Variants in WWOX observed in about 807,000 individuals in gnomAD.
WWOX encodes WW domain containing oxidoreductase, also known as WW domain-containing oxidoreductase.
In WWOX, 69 loss-of-function variants were observed where a neutral mutation model predicts 46.2. That is an observed-to-expected ratio of 1.49 (90% CI 1.23 to 1.82). The LOEUF (loss-of-function observed/expected upper bound fraction) is 1.82. Among genes scored for constraint, WWOX ranks in the 40% most tolerant of loss-of-function variants. WWOX has a pLI of 0.00. For synonymous variants in WWOX, 359 were observed against 202.6 expected (o/e 1.77, Z -6.56); for missense variants, 919 against 542.6 (o/e 1.69, Z -6.89).
In WWOX at chr16:78,422,794, CATAT is replaced by C. The variant is rs1250992583; in HGVS notation, c.606-2070_606-2067del. 3.0e-5 allele frequency among the ~76,000 whole-genome samples: 3 copies of C among 101,606 alleles called. 1 individual carries two copies. The highest frequency in any genetic ancestry group is 2.5e-4 in the African/African-American group (3 of 12,136). The allele number at this position is 101,606 out of a possible 152,430, so 66.7% of individuals were successfully genotyped here. A position where few individuals can be genotyped will look rare whatever the true frequency, so the allele number is the denominator to read the frequency against. On this transcript the variant is annotated intron_variant, in intron 6 of 8. Transcript: ENST00000566780. Reference sequence around the variant, plus strand: ...ACACACATATATATATACACACACACATATATATACACACACATATATATACACA... The same window carrying C: ...ACACACATATATATATACACACACACATATACACACACATATATATACACA...
intron 8 of WWOX, among the ~76,000 whole-genome samples, chr16:78,476,881 A>C (rs905721537): frequency 6.6e-6 from 1 of 151,564 alleles, no homozygotes; most frequent in East Asian, 1.9e-4. Context: ...CTGATTTCCC[A>C]TCTTCTTCCT....
At chr16:78,546,622 T>G (rs1180248991) in intron 8 of WWOX, among the ~76,000 whole-genome samples, 1 of 152,212 alleles carries the variant, frequency 6.6e-6, no homozygotes, top group Non-Finnish European at 1.5e-5. Context: ...TTTTAAAATA[T>G]AAATTCCTAG....
At chr16:79,011,842 T>C (rs1459536467) in intron 8 of WWOX, among the ~76,000 whole-genome samples, 1 of 152,012 alleles carries the variant, frequency 6.6e-6, no homozygotes, top group Non-Finnish European at 1.5e-5. Flanking sequence ...GTTTTAGAAA[T>C]GGGGTCTCAC....
intron 6 of WWOX, among the ~76,000 whole-genome samples, chr16:78,388,387 C>T (rs1381734037): frequency 1.3e-5 from 2 of 152,272 alleles, no homozygotes; most frequent in Admixed American, 6.5e-5. Context: ...TGGCTTATGC[C>T]TGTAATCCCA....
At chr16:79,046,181 A>G (rs1477259584) in intron 8 of WWOX, among the ~76,000 whole-genome samples, 1 of 152,172 alleles carries the variant, frequency 6.6e-6, no homozygotes, top group Non-Finnish European at 1.5e-5. Context: ...TGCTCAAGAG[A>G]AGTAGCCACT....
chr16:78,526,422 A>G (rs1414056509), intron 8 of WWOX: 1 of 152,208 alleles, frequency 6.6e-6, no homozygotes. Flanking sequence ...CCAAAGGTAC[A>G]TGTTGAAATA....
chr16:78,213,105 G>T (rs925813767), intron 5 of WWOX, among the ~76,000 whole-genome samples: 4 of 152,052 alleles, frequency 2.6e-5, no homozygotes, highest in South Asian at 2.1e-4. Context: ...ACACAGATTA[G>T]TCAGGTATGG....
chr16:78,609,699 C>G (rs1168861118), intron 8 of WWOX, among the ~76,000 whole-genome samples: 2 of 152,112 alleles, frequency 1.3e-5, no homozygotes, highest in African/African-American at 4.8e-5. Flanking sequence ...TCTGCCTTGC[C>G]TTGTCAGTCT....
chr16:79,005,289 C>T (rs1289625821), intron 8 of WWOX, among the ~76,000 whole-genome samples: 1 of 152,126 alleles, frequency 6.6e-6, no homozygotes, highest in East Asian at 1.9e-4. Context: ...CCTTGATGAC[C>T]CCTGGGAGGA....
Position 78,343,311 on chromosome 16 carries a change from C to T in WWOX, c.517-43549C>T, listed in dbSNP as rs920064953. Among the ~76,000 whole-genome samples, 23 of 120,680 alleles carry T rather than the reference C, an allele frequency of 1.9e-4. 7 individuals are homozygous for T. The highest frequency in any genetic ancestry group is 1.5e-3 in the South Asian group (6 of 4,054). 79.2% of individuals were successfully genotyped at this position (120,680 alleles called of 152,430 possible). Reference sequence around the variant, plus strand: ...TTGAGCAAACTAATCCATAACCCACCGCCACGTTCCTCGCCTACTTGCTTC... The same window carrying T: ...TTGAGCAAACTAATCCATAACCCACTGCCACGTTCCTCGCCTACTTGCTTC... On this transcript the variant is annotated intron_variant, in intron 5 of 8. Transcript: ENST00000566780.
intron 8 of WWOX, among the ~76,000 whole-genome samples, chr16:78,980,179 A>C (rs1256782709): frequency 6.6e-6 from 1 of 152,176 alleles, no homozygotes; most frequent in Admixed American, 6.5e-5. Context: ...CTCCCACCCC[A>C]AATCCTTGCT....
chr16:79,192,259 A>G (rs1201942300), intron 8 of WWOX, among the ~76,000 whole-genome samples: 2 of 152,178 alleles, frequency 1.3e-5, no homozygotes, highest in African/African-American at 4.8e-5. Context: ...TTGGCGTGAA[A>G]TGGGGCAGAA....
chr16:78,641,440 A>C (rs1484530705), intron 8 of WWOX, among the ~76,000 whole-genome samples: 3 of 152,222 alleles, frequency 2.0e-5, no homozygotes, highest in African/African-American at 7.2e-5. Flanking sequence ...GGCGAGTCAG[A>C]AAGCAGCAGG....
At chr16:78,124,688 G>C (rs1321724940) in intron 4 of WWOX, among the ~76,000 whole-genome samples, 3 of 152,192 alleles carry the variant, frequency 2.0e-5, no homozygotes, top group Non-Finnish European at 4.4e-5. Flanking sequence ...GGGTGCATAG[G>C]AAGGGTTGCA....
At chr16:79,114,721 G>A (rs961995083) in intron 8 of WWOX, among the ~76,000 whole-genome samples, 2 of 152,158 alleles carry the variant, frequency 1.3e-5, no homozygotes, top group Non-Finnish European at 2.9e-5. Context: ...AAGGAACACA[G>A]CATCCCCTGT....
intron 7 of WWOX, among the ~76,000 whole-genome samples, chr16:78,428,117 C>A (rs889784780): frequency 6.6e-6 from 1 of 152,118 alleles, no homozygotes; most frequent in East Asian, 1.9e-4. Context: ...TATAGAAATA[C>A]AAGATTTGTG....
chr16:79,071,524 C>G (rs2048551038), intron 8 of WWOX, among the ~76,000 whole-genome samples: 1 of 152,184 alleles, frequency 6.6e-6, no homozygotes, highest in Non-Finnish European at 1.5e-5. Flanking sequence ...TGCTTCAACT[C>G]TCCTTGTCTA....
chr16:78,528,165 A>ATTTTTTTTTTTTTTTT (rs56803717), intron 8 of WWOX, among the ~76,000 whole-genome samples: 52 of 58,390 alleles, frequency 8.9e-4, no homozygotes, highest in South Asian at 1.6e-3. Context: ...CACCTGGCTA[A>ATTTTTTTTTTTTTTTT]TTTTTTTTTT....
intron 8 of WWOX, among the ~76,000 whole-genome samples, chr16:78,827,955 G>A (rs2051709370): frequency 6.6e-6 from 1 of 152,218 alleles, no homozygotes; most frequent in African/African-American, 2.4e-5. Flanking sequence ...TAAGCTGGTT[G>A]ACATGACTGG....
Sources: gnomAD v4.1 joint callset for allele counts (sites outside exome capture counted in the v4.1 genomes callset) on GRCh38, gnomAD v4.1.1 for gene constraint, MANE v1.5 for transcripts, NCBI Gene and HGNC (gene_info 2026-07-23, HGNC 2026-07-21) for gene names.